Variants in RBPJ observed in about 807,000 individuals in gnomAD.
RBPJ encodes the protein recombining binding protein suppressor of hairless.
RBPJ carries 9 observed loss-of-function variants against 67.8 expected under a neutral mutation model. The observed-to-expected ratio is 0.13, with a 90% CI of 0.08 to 0.23. The LOEUF (loss-of-function observed/expected upper bound fraction) is 0.23. Ranked by LOEUF, RBPJ falls within the 10% of genes least tolerant of loss-of-function variation. RBPJ has a pLI of 1.00. For missense variants in RBPJ, 305 were observed against 595.6 expected (o/e 0.51, Z 5.08); for synonymous variants, 198 against 203.3 (o/e 0.97, Z 0.22).
chr4:26,418,031 C>T (rs919748782), intron 4 of RBPJ, among the ~76,000 whole-genome samples: 13 of 152,240 alleles, frequency 8.5e-5, no homozygotes, highest in Middle Eastern at 6.8e-3. Flanking sequence ...AGGTAAGCTA[C>T]GCAACAAGGA....
intron 1 of RBPJ, among the ~76,000 whole-genome samples, chr4:26,351,225 G>A (rs1577497820): frequency 1.3e-5 from 2 of 152,266 alleles, no homozygotes; most frequent in Non-Finnish European, 2.9e-5. Context: ...ACATTAGTGC[G>A]TGATCTCTGA....
intron 1 of RBPJ, among the ~76,000 whole-genome samples, chr4:26,165,343 T>C (rs1056200086): frequency 4.6e-5 from 7 of 152,228 alleles, no homozygotes; most frequent in Non-Finnish European, 1.0e-4. Flanking sequence ...GTGCCTTCCC[T>C]ATATACTGTT....
intron 2 of RBPJ, among the ~76,000 whole-genome samples, chr4:26,399,587 CAG>C (rs1037574983): frequency 1.3e-5 from 2 of 151,564 alleles, no homozygotes; most frequent in Non-Finnish European, 1.5e-5. Flanking sequence ...AAAAAATTGA[CAG>C]AGGTAATCAC....
At chr4:26,397,469 T>C (rs931244015) in intron 2 of RBPJ, among the ~76,000 whole-genome samples, 1 of 152,214 alleles carries the variant, frequency 6.6e-6, no homozygotes, top group East Asian at 1.9e-4. Flanking sequence ...ACTTAATTGA[T>C]TTAATTAGAA....
At chr4:26,156,251 A>G in the RBPJ span, among the ~76,000 whole-genome samples, 1 of 152,318 alleles carries the variant, frequency 6.6e-6, no homozygotes, top group East Asian at 1.9e-4. Flanking sequence ...TCTGATATTT[A>G]TGAATACCAG....
In RBPJ at chr4:26,243,163, GT is replaced by G. The variant is rs1719708088; in HGVS notation, c.-167+79551del. On this transcript the variant is annotated intron_variant, in intron 1 of 4. Coordinates refer to the RBPJ transcript ENST00000512351. ...AACAGCTTGAACCCGGGAGGCAGAG[GT>G]TGCAGTGAGCTGAGATCACGCCACT... 5.3e-5 allele frequency among the ~76,000 whole-genome samples: 8 copies of G among 152,148 alleles called. No individual in the cohort carries two copies. The South Asian group carries it at 1.7e-3, about 32-fold the overall frequency.
At chr4:26,389,157 A>G (rs571942384) in intron 2 of RBPJ, among the ~76,000 whole-genome samples, 80 of 152,130 alleles carry the variant, frequency 5.3e-4, no homozygotes, top group South Asian at 1.2e-3. Flanking sequence ...TGAGCCCAGG[A>G]GACGGAGGTT....
At chr4:26,160,537 G>T (rs1716056096), upstream of RBPJ, among the ~76,000 whole-genome samples, 1 of 152,168 alleles carries the variant, frequency 6.6e-6, no homozygotes, top group Non-Finnish European at 1.5e-5. Context: ...GACAGTTAAT[G>T]ATGCAGTAAC....
In RBPJ at chr4:26,208,084, A is replaced by G. The variant is rs141425356; in HGVS notation, c.-167+44470A>G. On this transcript the variant is annotated intron_variant, in intron 1 of 4. Coordinates refer to the RBPJ transcript ENST00000512351. ...AAGAGTGACTTGCACAAGATCTGGCAGGACTGGGCTTCAAGCGCAACAGAA... is the reference window on the plus strand; with the variant it reads ...AAGAGTGACTTGCACAAGATCTGGCGGGACTGGGCTTCAAGCGCAACAGAA... Among the ~76,000 whole-genome samples the G allele has an allele frequency of 2.0e-3, 306 of 152,362 alleles. 2 individuals carry two copies. Among genetic ancestry groups the G allele is most frequent in the African/African-American group, 7.1e-3 (294 of 41,590 alleles).
intron 1 of RBPJ, among the ~76,000 whole-genome samples, chr4:26,369,237 T>C (rs935180688): frequency 1.3e-5 from 2 of 152,250 alleles, no homozygotes; most frequent in East Asian, 3.8e-4. Flanking sequence ...TAATCTTATT[T>C]TGAAATGATT....
chr4:26,352,519 G>C (rs375881013), intron 1 of RBPJ, among the ~76,000 whole-genome samples: 46 of 152,290 alleles, frequency 3.0e-4, no homozygotes, highest in African/African-American at 1.1e-3. Context: ...TTCAATCAAG[G>C]CTGGGCGTGG....
intron 1 of RBPJ, among the ~76,000 whole-genome samples, chr4:26,227,019 C>T (rs1719097956): frequency 6.6e-6 from 1 of 152,106 alleles, no homozygotes; most frequent in South Asian, 2.1e-4. Context: ...TTGTATGACT[C>T]CCAGGATATT....
chr4:26,286,533 C>A (rs1721474456), intron 1 of RBPJ, among the ~76,000 whole-genome samples: 5 of 150,052 alleles, frequency 3.3e-5, no homozygotes, highest in African/African-American at 9.8e-5. Context: ...AAGCTCTTGG[C>A]TTAAAGCTTT....
At position 26,192,254 on chromosome 4, in the gene RBPJ, G is replaced by A. The variant is rs190445136; in HGVS notation, c.-167+28640G>A. On this transcript the variant is annotated intron_variant, in intron 1 of 4. Transcript: ENST00000512351. ...GAACTCCTGACCAAGTGACCTGCCC[G>A]CCTCGACCTCCCAAAGTGCTGGGAT... Among the ~76,000 whole-genome samples the A allele has an allele frequency of 2.6e-3, 392 of 152,164 alleles. 6 individuals are homozygous for A. Among genetic ancestry groups the A allele is most frequent in the African/African-American group, 9.1e-3 (377 of 41,520 alleles).
chr4:26,330,060 G>T (rs532203054), intron 1 of RBPJ, among the ~76,000 whole-genome samples: 1 of 152,256 alleles, frequency 6.6e-6, no homozygotes, highest in South Asian at 2.1e-4. Flanking sequence ...ATTAAAACCT[G>T]GTGATAAAAT....
the RBPJ span, chr4:26,113,150 C>T: frequency 9.0e-6 from 2 of 222,656 alleles, no homozygotes; most frequent in South Asian, 7.7e-5. Flanking sequence ...AGAAAGATTC[C>T]CCATGAATAT....
intron 1 of RBPJ, among the ~76,000 whole-genome samples, chr4:26,250,328 C>CTTT (rs869105820): frequency 1.3e-4 from 16 of 120,686 alleles, no homozygotes; most frequent in African/African-American, 3.8e-4. Context: ...GACTCCATTC[C>CTTT]TTTTTTTTTT....
At chr4:26,262,079 G>A (rs1397662251) in intron 1 of RBPJ, among the ~76,000 whole-genome samples, 1 of 150,034 alleles carries the variant, frequency 6.7e-6, no homozygotes, top group African/African-American at 2.5e-5. Context: ...CTAAGTAGGT[G>A]GGGCTACAGG....
chr4:26,320,241 C>A (rs1722874082), upstream of RBPJ, among the ~76,000 whole-genome samples: 1 of 152,178 alleles, frequency 6.6e-6, no homozygotes, highest in African/African-American at 2.4e-5. Flanking sequence ...CGCGCTCTGG[C>A]GTGTGTCTGC....
Sources: allele counts gnomAD v4.1 joint callset (sites outside exome capture counted in the v4.1 genomes callset), GRCh38; gene constraint gnomAD v4.1.1; transcripts MANE v1.5; gene names NCBI Gene and HGNC (gene_info 2026-07-23, HGNC 2026-07-21).